KY: variants seen among roughly 807,000 people sequenced by gnomAD.
KY encodes the protein kyphoscoliosis peptidase.
KY carries 43 observed loss-of-function variants against 76.1 expected under a neutral mutation model. That is an observed-to-expected ratio of 0.57 (90% CI 0.44 to 0.73). KY has a LOEUF of 0.73. KY is among the 30% of genes least tolerant of loss of function. The pLI is 0.00. For synonymous variants in KY, 277 were observed against 326.2 expected (o/e 0.85, Z 1.63); for missense variants, 722 against 828.9 (o/e 0.87, Z 1.58).
chr3:134,615,954 C>T (rs113651001), intron 8 of KY, among the ~76,000 whole-genome samples: 1 of 152,330 alleles, frequency 6.6e-6, no homozygotes, highest in Non-Finnish European at 1.5e-5. Context: ...CCCTCAGTGT[C>T]AGGGCTCAAA....
At chr3:134,633,357 A>G (rs1168091936) in intron 3 of KY, among the ~76,000 whole-genome samples, 2 of 152,110 alleles carry the variant, frequency 1.3e-5, no homozygotes, top group African/African-American at 4.8e-5. Flanking sequence ...CTTCCACAAA[A>G]TATTACAACA....
chr3:134,632,004 A>G (rs1035553639), intron 3 of KY, among the ~76,000 whole-genome samples: 1 of 152,098 alleles, frequency 6.6e-6, no homozygotes, highest in African/African-American at 2.4e-5. Context: ...TGGAGTTGCT[A>G]TGTTAATATC....
rs142027688 is a variant in KY, at chr3:134,611,668, C to T, written c.711-1285G>A. Among the ~76,000 whole-genome samples the T allele has an allele frequency of 3.5e-3, 527 of 152,372 alleles. 1 individual carries two copies. Among genetic ancestry groups the T allele is most frequent in the African/African-American group, 0.012 (496 of 41,588 alleles). ...ACCACACAAGCTGCTCAGTCCCCAA[C>T]TCAGTGGTGACCCTGTGCTGTACTC... On this transcript the variant is annotated intron_variant, in intron 8 of 10. Transcript: ENST00000423778.
intron 3 of KY, among the ~76,000 whole-genome samples, chr3:134,631,002 A>G (rs950411388): frequency 1.3e-5 from 2 of 152,260 alleles, no homozygotes; most frequent in African/African-American, 2.4e-5. Flanking sequence ...AATGACAGAG[A>G]ACACAGTCAG....
Position 134,610,390 on chromosome 3 carries a change from G to T in KY, c.711-7C>A. Reference sequence around the variant, plus strand: ...ACACTGCACTCCGGCGAGCCTGGGGGCAGGACAGGGGGTCTGAGAGGGGGA... The same window carrying T: ...ACACTGCACTCCGGCGAGCCTGGGGTCAGGACAGGGGGTCTGAGAGGGGGA... On this transcript the variant is annotated splice_region_variant and splice_polypyrimidine_tract_variant and intron_variant, in intron 8 of 10. Coordinates refer to ENST00000423778, the MANE Select transcript of KY (RefSeq NM_178554.6). The T allele has an allele frequency of 6.2e-7, 1 of 1,608,748 alleles. No individual in the cohort carries two copies. The highest frequency in any genetic ancestry group is 8.5e-7 in the Non-Finnish European group (1 of 1,177,308).
chr3:134,610,267 C>G lies in KY; in HGVS notation c.827G>C (p.Gly276Ala). The change falls in exon 9 of 11, where the codon GGA becomes GCA. Residue 276 changes from glycine (G) to alanine (A), a missense_variant. Physicochemically the swap from Gly to Ala is moderately conservative, Grantham distance 60. This residue lies in a region of KY where 552 missense variants were observed against 680.9 expected (regional missense o/e 0.81). Transcript: ENST00000423778. The stretch of plus-strand genomic sequence containing the variant: ...GGTGCTGTCCACCAGGTGCCATCTT[C>G]CCTCCAGGTACACAGCATTCCAGGC... ...DHAWNAVYLE[G>A]RWHLVDSTWG... 8 of 1,613,974 alleles carry G rather than the reference C, an allele frequency of 5.0e-6. No homozygotes were observed. The African/African-American group carries it at 1.1e-4, about 22-fold the overall frequency.
chr3:134,607,631 A>C, intron 10 of KY: 3 of 985,666 alleles, frequency 3.0e-6, no homozygotes, highest in Non-Finnish European at 3.6e-6. Context: ...CATAAGAGAC[A>C]ATCTTCCAGA....
chr3:134,605,222 A>G (rs1959170228), intron 10 of KY, among the ~76,000 whole-genome samples: 1 of 152,108 alleles, frequency 6.6e-6, no homozygotes, highest in Non-Finnish European at 1.5e-5. Context: ...GTAGCCCATG[A>G]GGACCCACCT....
chr3:134,646,608 A>T (rs180704944), intron 2 of KY, among the ~76,000 whole-genome samples: 1 of 152,324 alleles, frequency 6.6e-6, no homozygotes, highest in East Asian at 1.9e-4. Context: ...CATTATTGTC[A>T]GAAGGATGGT....
chr3:134,632,997 A>G (rs774849217), intron 3 of KY, among the ~76,000 whole-genome samples: 8 of 152,016 alleles, frequency 5.3e-5, no homozygotes, highest in Non-Finnish European at 8.8e-5. Flanking sequence ...TGTGCACATA[A>G]ATTCTACAAC....
intron 10 of KY, among the ~76,000 whole-genome samples, chr3:134,606,085 C>T (rs578175013): frequency 2.0e-5 from 3 of 152,310 alleles, no homozygotes; most frequent in African/African-American, 7.2e-5. Context: ...CCTCCTCTCC[C>T]CTCACTTCTG....
intron 3 of KY, among the ~76,000 whole-genome samples, chr3:134,637,594 T>C (rs1965142634): frequency 6.6e-6 from 1 of 152,224 alleles, no homozygotes; most frequent in African/African-American, 2.4e-5. Flanking sequence ...GTGAACAACT[T>C]ATTGGCATAG....
intron 3 of KY, among the ~76,000 whole-genome samples, chr3:134,633,834 T>C (rs1964559179): frequency 6.6e-6 from 1 of 152,170 alleles, no homozygotes; most frequent in African/African-American, 2.4e-5. Flanking sequence ...ACAGTTGATA[T>C]GTCTGTCTAC....
intron 9 of KY, 52 bp downstream of exon 9, chr3:134,610,143 A>T: frequency 6.4e-7 from 1 of 1,560,756 alleles, no homozygotes; most frequent in Non-Finnish European, 8.7e-7. Context: ...TGCCTGGCAC[A>T]TCCTCCACTT....
intron 8 of KY, 182 bp from the exon 9 acceptor site, chr3:134,610,565 A>G (rs1011503293): frequency 6.7e-6 from 4 of 594,624 alleles, no homozygotes; most frequent in African/African-American, 1.9e-5. Context: ...CACTGGGGAC[A>G]GGGAGATACA....
rs534021215 is a variant in KY, at chr3:134,601,737, C to T, written c.*1842G>A. Among the ~76,000 whole-genome samples, 1 of 152,290 alleles carries T rather than the reference C, an allele frequency of 6.6e-6. No individual in the cohort carries two copies. The highest frequency in any genetic ancestry group is 2.4e-5 in the African/African-American group (1 of 41,572). On this transcript the variant is annotated 3_prime_UTR_variant, in exon 11 of 11. Transcript: ENST00000423778. Reference sequence around the variant, plus strand: ...GGGAGACACCCCTTTTGCTCGAGGCCGCCGGCCTGTTGGATGATGGGCACC... The same window carrying T: ...GGGAGACACCCCTTTTGCTCGAGGCTGCCGGCCTGTTGGATGATGGGCACC...
At chr3:134,617,380 T>C (rs920080859) in intron 8 of KY, among the ~76,000 whole-genome samples, 3 of 152,174 alleles carry the variant, frequency 2.0e-5, no homozygotes, top group South Asian at 2.1e-4. Context: ...TTTCTATATA[T>C]GTCTATTGAG....
chr3:134,604,031 T>G lies in KY; in HGVS notation c.1534A>C (p.Ile512Leu), dbSNP rs765803833. ...PITEETQRRY[I>L]FQLHREKQTE... is the part of the protein sequence containing the mutation. ...TGCTTCTCCCGGTGCAGCTGGAAGA[T>G]GTAGCGCCGCTGTGTCTCCTCAGTG... is the stretch of plus-strand genomic sequence containing the variant. The change falls in exon 11 of 11, where the codon ATC becomes CTC. Residue 512 changes from isoleucine (I) to leucine (L), a missense_variant. Ile to Leu is a conservative substitution (Grantham distance 5). This residue lies in a region of KY where 552 missense variants were observed against 680.9 expected (regional missense o/e 0.81). Transcript: ENST00000423778. 1.2e-6 allele frequency: 2 copies of G among 1,613,876 alleles called. No homozygotes were observed. The highest frequency in any genetic ancestry group is 2.2e-5 in the East Asian group (1 of 44,890).
chr3:134,650,746 G>GC, intron 1 of KY, 79 bp downstream of exon 1: 2 of 1,318,332 alleles, frequency 1.5e-6, no homozygotes, highest in East Asian at 2.7e-5. Flanking sequence ...AGCAATGGGC[G>GC]CCCCCCGGCG....
Sources: gnomAD v4.1 joint callset for allele counts (sites outside exome capture counted in the v4.1 genomes callset) on GRCh38, gnomAD v4.1.1 for gene constraint, gnomAD v4.1.1 regional missense constraint, MANE v1.5 for transcripts, NCBI Gene and HGNC (gene_info 2026-07-23, HGNC 2026-07-21) for gene names.